ERC1: variants seen among roughly 807,000 people sequenced by gnomAD.
The protein encoded by ERC1 is RAB6 interacting protein 2.
ERC1 carries 56 observed loss-of-function variants against 132.0 expected under a neutral mutation model. The observed-to-expected ratio is 0.42, with a 90% CI of 0.34 to 0.53. ERC1 has a LOEUF of 0.53. Among genes scored for constraint, ERC1 ranks in the 20% least tolerant of loss-of-function variants. ERC1 has a pLI of 0.03. For missense variants in ERC1, 1,202 were observed against 1,349.9 expected, an observed-to-expected ratio of 0.89 and a Z score of 1.72; for synonymous variants, 478 against 476.1, an observed-to-expected ratio of 1.00 and a Z score of -0.05.
At chr12:1,340,325 C>T (rs911500276) in intron 15 of ERC1, among the ~76,000 whole-genome samples, 19 of 152,200 alleles carry the variant, frequency 1.2e-4, no homozygotes, top group African/African-American at 4.3e-4. Context: ...GCTAAAGTCT[C>T]CTATGGGAGC....
At chr12:1,480,763 A>G (rs1277813398) in intron 18 of ERC1, 13 of 697,244 alleles carry the variant, frequency 1.9e-5, no homozygotes, top group East Asian at 2.7e-5. Context: ...AGGGGGTTGA[A>G]GAGAGCAAGA....
chr12:1,303,994 G>A (rs1450828482), intron 15 of ERC1, among the ~76,000 whole-genome samples: 1 of 150,804 alleles, frequency 6.6e-6, no homozygotes, highest in African/African-American at 2.4e-5. Context: ...TATATCCAAG[G>A]TTTGATATAT....
rs2094321549 is a variant in ERC1 at position 1,491,847 on chromosome 12, G to T, written c.*1617G>T. ...GACAACAGCAGTCATAAATAATTAGGCAGGAACTTAACCCAAATCTAGTTC... is the reference window on the plus strand; with the variant it reads ...GACAACAGCAGTCATAAATAATTAGTCAGGAACTTAACCCAAATCTAGTTC... On this transcript the variant is annotated 3_prime_UTR_variant, in exon 19 of 19. Coordinates refer to ENST00000360905, the MANE Select transcript of ERC1 (RefSeq NM_178040.4). The T allele has an allele frequency of 8.6e-6, 2 of 232,616 alleles. No homozygotes were observed. The highest frequency in any genetic ancestry group is 1.2e-4 in the East Asian group (2 of 16,490). The allele number at this position is 232,616 out of a possible 1,614,324, so 14.4% of individuals were successfully genotyped here. A position where few individuals can be genotyped will look rare whatever the true frequency, so the allele number is the denominator to read the frequency against.
At chr12:1,132,439 C>T (rs926508765) in intron 7 of ERC1, among the ~76,000 whole-genome samples, 1 of 152,136 alleles carries the variant, frequency 6.6e-6, no homozygotes, top group African/African-American at 2.4e-5. Flanking sequence ...CCTTTTCAGT[C>T]ACCTTTTTCG....
chr12:1,445,222 A>ATTTTTTT (rs137864873), intron 18 of ERC1, among the ~76,000 whole-genome samples: 13 of 90,726 alleles, frequency 1.4e-4, no homozygotes, highest in African/African-American at 3.2e-4. Flanking sequence ...TGTACAGTAG[A>ATTTTTTT]TTTTTTTTTT....
At chr12:1,050,149 A>G (rs573695651) in intron 2 of ERC1, among the ~76,000 whole-genome samples, 7 of 152,176 alleles carry the variant, frequency 4.6e-5, no homozygotes, top group Non-Finnish European at 1.0e-4. Context: ...CCGTTCTGTG[A>G]TGGCATTAAG....
chr12:992,272 C>T (rs1483313719), intron 1 of ERC1, among the ~76,000 whole-genome samples: 1 of 152,160 alleles, frequency 6.6e-6, no homozygotes, highest in Non-Finnish European at 1.5e-5. Context: ...TTGGAAGGCA[C>T]ATTGCTGAAT....
chr12:1,280,548 C>T (rs1015575630), intron 14 of ERC1, among the ~76,000 whole-genome samples: 1 of 152,190 alleles, frequency 6.6e-6, no homozygotes, highest in Non-Finnish European at 1.5e-5. Flanking sequence ...GTTTTGTAAT[C>T]TCTCCAAGTA....
At chr12:1,187,769 C>T (rs926953082) in intron 11 of ERC1, among the ~76,000 whole-genome samples, 5 of 152,140 alleles carry the variant, frequency 3.3e-5, no homozygotes, top group Admixed American at 6.5e-5. Flanking sequence ...CTGTCAGTTA[C>T]CACACTGTGC....
intron 17 of ERC1, chr12:1,443,398 T>C (rs1057315031): frequency 1.3e-5 from 2 of 152,192 alleles, no homozygotes; most frequent in Non-Finnish European, 2.9e-5. Context: ...CAAGGAGGAA[T>C]CAGTGTTACT....
chr12:1,181,862 A>G, intron 9 of ERC1, 63 bp from the exon 10 acceptor site: 1 of 1,491,466 alleles, frequency 6.7e-7, no homozygotes, highest in African/African-American at 1.4e-5. Context: ...TGCTAAAAGC[A>G]GAATTACAGT....
At chr12:1,210,041 C>G (rs1957723541) in intron 12 of ERC1, among the ~76,000 whole-genome samples, 1 of 152,196 alleles carries the variant, frequency 6.6e-6, no homozygotes, top group South Asian at 2.1e-4. Context: ...TCACTGGCAC[C>G]TGTTGCCTTG....
chr12:1,292,382 C>G (rs987245982), intron 15 of ERC1, among the ~76,000 whole-genome samples: 1 of 152,030 alleles, frequency 6.6e-6, no homozygotes, highest in African/African-American at 2.4e-5. Context: ...AGTTAAATCA[C>G]TATACTCATT....
intron 15 of ERC1, among the ~76,000 whole-genome samples, chr12:1,315,588 G>A (rs914425478): frequency 5.3e-5 from 8 of 151,968 alleles, no homozygotes; most frequent in African/African-American, 1.9e-4. Flanking sequence ...TGACCTCAGG[G>A]GATCCGCACT....
intron 2 of ERC1, among the ~76,000 whole-genome samples, chr12:1,029,989 C>G (rs1185731560): frequency 6.6e-6 from 1 of 152,092 alleles, no homozygotes; most frequent in Non-Finnish European, 1.5e-5. Flanking sequence ...CTCAGGTGGT[C>G]CACCTGCCTT....
At chr12:1,384,706 T>C (rs560955784) in intron 16 of ERC1, among the ~76,000 whole-genome samples, 17 of 152,296 alleles carry the variant, frequency 1.1e-4, no homozygotes, top group African/African-American at 3.8e-4. Context: ...TTTTATGAAA[T>C]ATAAGAATTT....
intron 13 of ERC1, among the ~76,000 whole-genome samples, chr12:1,252,071 G>A (rs1283896355): frequency 6.6e-6 from 1 of 152,144 alleles, no homozygotes; most frequent in Non-Finnish European, 1.5e-5. Context: ...CATGTAATGT[G>A]TAATGATCAG....
At chr12:1,068,271 T>G (rs1939643855) in intron 2 of ERC1, among the ~76,000 whole-genome samples, 2 of 94,360 alleles carry the variant, frequency 2.1e-5, no homozygotes, top group African/African-American at 3.2e-5. Flanking sequence ...TGGAGAGAGA[T>G]GTTCAAGTTT....
chr12:1,333,055 C>CGTCCTGATCCTT (rs1404123458), intron 15 of ERC1, among the ~76,000 whole-genome samples: 15 of 151,628 alleles, frequency 9.9e-5, no homozygotes, highest in African/African-American at 3.6e-4. Context: ...TCCTGATCCT[C>CGTCCTGATCCTT]GTCCTGATCC....
Sources: gnomAD v4.1 joint callset for allele counts (sites outside exome capture counted in the v4.1 genomes callset) on GRCh38, gnomAD v4.1.1 for gene constraint, MANE v1.5 for transcripts, NCBI Gene and HGNC (gene_info 2026-07-23, HGNC 2026-07-21) for gene names.